NTM: variants seen among roughly 807,000 people sequenced by gnomAD.
The protein encoded by NTM is neurotrimin, also known as IgLON family member 2.
In NTM, 13 loss-of-function variants were observed where a neutral mutation model predicts 42.1. That is an observed-to-expected ratio of 0.31 (90% CI 0.20 to 0.49). NTM has a LOEUF of 0.49. Ranked by LOEUF, NTM falls within the 20% of genes least tolerant of loss-of-function variation. The pLI is 0.99. For synonymous variants in NTM, 187 were observed against 179.2 expected (o/e 1.04, Z -0.35); for missense variants, 373 against 452.8 (o/e 0.82, Z 1.60).
chr11:132,140,907 T>C (rs1734091474), intron 2 of NTM: 1 of 152,128 alleles, frequency 6.6e-6, no homozygotes, highest in African/African-American at 2.4e-5. Context: ...TAAGAGGCAA[T>C]TGTGACCAGG....
At chr11:131,661,073 CT>C in intron 1 of NTM, 2 of 1,293,552 alleles carry the variant, frequency 1.5e-6, no homozygotes, top group Non-Finnish European at 2.0e-6. Context: ...AATTCTTCAT[CT>C]TTTGCACAGA....
chr11:131,942,572 C>G (rs2059911201), intron 2 of NTM, among the ~76,000 whole-genome samples: 1 of 152,132 alleles, frequency 6.6e-6, no homozygotes, highest in African/African-American at 2.4e-5. Context: ...GCACAGGGAA[C>G]AGCTATTTCT....
At chr11:132,262,232 G>C (rs142095716) in intron 4 of NTM, among the ~76,000 whole-genome samples, 1 of 152,320 alleles carries the variant, frequency 6.6e-6, no homozygotes, top group Non-Finnish European at 1.5e-5. Context: ...GCAGCTGCCT[G>C]ATTTGTCCCC....
intron 1 of NTM, among the ~76,000 whole-genome samples, chr11:131,848,544 C>T (rs2045188127): frequency 6.6e-6 from 1 of 152,232 alleles, no homozygotes; most frequent in African/African-American, 2.4e-5. Flanking sequence ...AACATTCATG[C>T]TTTATAGCAG....
chr11:132,014,380 C>T (rs141389763), intron 2 of NTM, among the ~76,000 whole-genome samples: 3 of 152,148 alleles, frequency 2.0e-5, no homozygotes, highest in African/African-American at 7.2e-5. Context: ...CTTTGATAAA[C>T]TGGCTTTTTC....
At chr11:131,513,933 A>C (rs992426475) in intron 1 of NTM, among the ~76,000 whole-genome samples, 1 of 152,040 alleles carries the variant, frequency 6.6e-6, no homozygotes, top group African/African-American at 2.4e-5. Flanking sequence ...TTCCCAGCAG[A>C]CCCTCACCCT....
intron 3 of NTM, among the ~76,000 whole-genome samples, chr11:132,200,551 T>C (rs952908929): frequency 3.9e-5 from 6 of 152,240 alleles, no homozygotes; most frequent in African/African-American, 1.4e-4. Flanking sequence ...CCCTGCTGCA[T>C]ACAGTTTTAT....
intron 1 of NTM, among the ~76,000 whole-genome samples, chr11:131,526,885 C>A (rs1292190924): frequency 6.6e-6 from 1 of 152,232 alleles, no homozygotes; most frequent in Non-Finnish European, 1.5e-5. Flanking sequence ...ATTTATACTT[C>A]TCTCCATACA....
chr11:132,307,457 T>C (rs1390103805), intron 4 of NTM, among the ~76,000 whole-genome samples: 2 of 152,158 alleles, frequency 1.3e-5, no homozygotes, highest in Non-Finnish European at 2.9e-5. Flanking sequence ...TGTGCTTTGT[T>C]CAGTTAGGAA....
At chr11:131,713,551 C>T (rs1463190050) in intron 1 of NTM, among the ~76,000 whole-genome samples, 1 of 152,196 alleles carries the variant, frequency 6.6e-6, no homozygotes, top group African/African-American at 2.4e-5. Context: ...AACCTTTCCT[C>T]TCTTCCTTTC....
chr11:131,587,433 G>A (rs1304349938), intron 1 of NTM, among the ~76,000 whole-genome samples: 1 of 138,376 alleles, frequency 7.2e-6, no homozygotes, highest in Admixed American at 7.6e-5. Flanking sequence ...GGGAGACGGA[G>A]CGAGACTCTG....
intron 1 of NTM, among the ~76,000 whole-genome samples, chr11:131,840,602 T>C (rs2044107660): frequency 1.3e-5 from 2 of 152,144 alleles, no homozygotes; most frequent in South Asian, 4.1e-4. Flanking sequence ...TTTTTCTTTC[T>C]ACAGAGGGGA....
chr11:132,175,059 T>C (rs1485767612), intron 3 of NTM, among the ~76,000 whole-genome samples: 1 of 152,144 alleles, frequency 6.6e-6, no homozygotes, highest in African/African-American at 2.4e-5. Context: ...CATTCGGTCT[T>C]GGAATGTGGG....
At chr11:131,825,507 T>C (rs11222807) in intron 1 of NTM, among the ~76,000 whole-genome samples, 15,834 of 152,154 alleles carry the variant, frequency 0.1, 931 homozygotes, top group Admixed American at 0.19. Context: ...ACTTGGTTCT[T>C]TATCCTCAGA....
At chr11:131,593,751 C>T (rs1355492095) in intron 1 of NTM, among the ~76,000 whole-genome samples, 2 of 152,200 alleles carry the variant, frequency 1.3e-5, no homozygotes, top group Non-Finnish European at 1.5e-5. Flanking sequence ...TCTTTTGCGC[C>T]ACATTCTGTG....
At chr11:132,227,889 A>G (rs2086645508) in intron 4 of NTM, among the ~76,000 whole-genome samples, 1 of 152,138 alleles carries the variant, frequency 6.6e-6, no homozygotes, top group South Asian at 2.1e-4. Context: ...GCTTATAAGA[A>G]GGGGCAGGGG....
intron 4 of NTM, among the ~76,000 whole-genome samples, chr11:132,241,927 G>C (rs1383199449): frequency 6.6e-6 from 1 of 152,200 alleles, no homozygotes; most frequent in African/African-American, 2.4e-5. Flanking sequence ...TGTTGTGATG[G>C]TCGCAGTATG....
At chr11:131,465,770 C>G (rs959410) in intron 1 of NTM, among the ~76,000 whole-genome samples, 8,953 of 150,424 alleles carry the variant, frequency 0.06, 605 homozygotes, top group East Asian at 0.19. Flanking sequence ...TGCACCAGAG[C>G]CATTCCCAAA....
At chr11:131,427,958 A>T (rs1433597602) in intron 1 of NTM, among the ~76,000 whole-genome samples, 1 of 152,110 alleles carries the variant, frequency 6.6e-6, no homozygotes, top group African/African-American at 2.4e-5. Flanking sequence ...TCTCTTTTAC[A>T]TGTCGACATA....
Sources: gnomAD v4.1 joint callset for allele counts (sites outside exome capture counted in the v4.1 genomes callset) on GRCh38, gnomAD v4.1.1 for gene constraint, MANE v1.5 for transcripts, NCBI Gene and HGNC (gene_info 2026-07-23, HGNC 2026-07-21) for gene names.